PFKM: variants seen among roughly 807,000 people sequenced by gnomAD.
The protein encoded by PFKM is phosphofructokinase, muscle.
PFKM carries 58 observed loss-of-function variants against 95.5 expected under a neutral mutation model. The observed-to-expected ratio is 0.61, with a 90% confidence interval of 0.49 to 0.76. The LOEUF is 0.76. PFKM is among the 30% of genes least tolerant of loss of function. The pLI, the probability that PFKM is intolerant of heterozygous loss-of-function variation, is 0.00. For synonymous variants in PFKM, 336 were observed against 357.2 expected, an observed-to-expected ratio of 0.94 and a Z score of 0.67; for missense variants, 678 against 1,005.4, an observed-to-expected ratio of 0.67 and a Z score of 4.40.
intron 12 of PFKM, 117 bp from the exon 13 acceptor site, chr12:48,139,732 C>T: frequency 1.3e-6 from 1 of 760,756 alleles, no homozygotes; most frequent in African/African-American, 1.7e-5. Context: ...GTTCTGTCCT[C>T]AGAGGTTTGC....
intron 9 of PFKM, 23 bp from the exon 10 acceptor site, chr12:48,135,258 ACCCTCTCTCT>A: frequency 6.5e-7 from 1 of 1,550,156 alleles, no homozygotes; most frequent in Non-Finnish European, 8.9e-7. Context: ...ACTCTGCGTA[ACCCTCTCTCT>A]GTCCCTCTGT....
chr12:48,136,787 T>C (rs1003788732), intron 10 of PFKM, among the ~76,000 whole-genome samples: 4 of 150,330 alleles, frequency 2.7e-5, no homozygotes, highest in African/African-American at 9.8e-5. Context: ...GGAGTCTCTC[T>C]CTGTTGCCCA....
chr12:48,143,653 A>T lies in PFKM; in HGVS notation c.1819-100A>T, dbSNP rs570149903. 4.1e-5 allele frequency: 36 copies of T among 869,130 alleles called. No homozygotes were observed. The East Asian group carries it at 8.7e-4, about 21-fold the overall frequency. 53.8% of individuals were successfully genotyped at this position (869,130 alleles called of 1,614,324 possible). On this transcript the variant is annotated intron_variant, in intron 18 of 22. Transcript: ENST00000359794. ...CCAGGATTGTAAACAACTCTCTTCC[A>T]TGTGTCTCTTCCTTCCTGGAGAGGT...
chr12:48,132,579 A>G (rs1280382526), intron 4 of PFKM, among the ~76,000 whole-genome samples: 1 of 152,248 alleles, frequency 6.6e-6, no homozygotes, highest in Non-Finnish European at 1.5e-5. Flanking sequence ...GCCAACATAC[A>G]TGTATGTATT....
At chr12:48,110,592 C>T (rs895273552) in intron 3 of PFKM, among the ~76,000 whole-genome samples, 3 of 152,146 alleles carry the variant, frequency 2.0e-5, no homozygotes, top group Non-Finnish European at 4.4e-5. Flanking sequence ...ACATAAAAAA[C>T]CCCTGGCCTG....
chr12:48,137,390 T>A (rs1392231432), intron 10 of PFKM: 4 of 384,636 alleles, frequency 1.0e-5, no homozygotes, highest in Non-Finnish European at 2.0e-5. Context: ...TTATCCTATC[T>A]TCACTGGAAG....
chr12:48,143,220 A>G (rs1176353919), intron 18 of PFKM, among the ~76,000 whole-genome samples: 1 of 152,240 alleles, frequency 6.6e-6, no homozygotes, highest in Non-Finnish European at 1.5e-5. Flanking sequence ...TAGACATGCA[A>G]AGAAGATACT....
chr12:48,124,219 G>A (rs1351422495), intron 2 of PFKM, among the ~76,000 whole-genome samples: 1 of 152,204 alleles, frequency 6.6e-6, no homozygotes, highest in African/African-American at 2.4e-5. Context: ...TGAGGAAGGA[G>A]GGTACGGAGG....
At chr12:48,116,330 T>G (rs1346925323), upstream of PFKM, among the ~76,000 whole-genome samples, 1 of 150,884 alleles carries the variant, frequency 6.6e-6, no homozygotes, top group Non-Finnish European at 1.5e-5. Context: ...ATAGCCATCC[T>G]AATGGATATG....
At chr12:48,140,679 G>A (rs753894279) in intron 13 of PFKM, 43 bp from the exon 14 acceptor site, 3 of 1,609,994 alleles carry the variant, frequency 1.9e-6, no homozygotes, top group South Asian at 2.2e-5. Flanking sequence ...CTGTTCCCCT[G>A]CTGGGTTTCT....
chr12:48,130,353 C>T lies in PFKM; in HGVS notation c.86-10C>T. Reference sequence around the variant, plus strand: ...AACCTCTCCGTGACTTCTTTTGTCCCTCCTTTCAGGTATGAATGCTGCTGT... The same window carrying T: ...AACCTCTCCGTGACTTCTTTTGTCCTTCCTTTCAGGTATGAATGCTGCTGT... On this transcript the variant is annotated splice_polypyrimidine_tract_variant and intron_variant, in intron 2 of 22. Coordinates refer to ENST00000359794, the MANE Select transcript of PFKM (RefSeq NM_000289.6). The T allele has an allele frequency of 1.2e-6, 2 of 1,611,020 alleles. No homozygotes were observed. The highest frequency in any genetic ancestry group is 1.1e-5 in the South Asian group (1 of 91,024).
chr12:48,139,187 C>A, intron 11 of PFKM, 98 bp from the exon 12 acceptor site: 1 of 924,046 alleles, frequency 1.1e-6, no homozygotes, highest in Non-Finnish European at 1.8e-6. Context: ...GATCTAGTCA[C>A]AATCCCAGAG....
At chr12:48,107,407 A>G (rs751954374) in exon 2 of PFKM, 14 of 1,598,734 alleles carry the variant, frequency 8.8e-6, no homozygotes, top group Middle Eastern at 1.6e-4. Context: ...GAAATTTTTC[A>G]TGTGTGTGAT....
chr12:48,134,181 G>C, intron 6 of PFKM, 51 bp from the exon 7 acceptor site: 1 of 1,519,672 alleles, frequency 6.6e-7, no homozygotes, highest in Non-Finnish European at 9.1e-7. Context: ...GTGGTGGCTT[G>C]ATCTTGGCCA....
intron 10 of PFKM, among the ~76,000 whole-genome samples, chr12:48,135,925 C>T (rs79751478): frequency 3.9e-5 from 3 of 76,276 alleles, no homozygotes; most frequent in East Asian, 3.4e-4. Flanking sequence ...CCATTGCACT[C>T]GCTCCCAGGC....
Position 48,137,710 on chromosome 12 carries a change from G to C in PFKM, c.937-11G>C, listed in dbSNP as rs764579785. On this transcript the variant is annotated splice_polypyrimidine_tract_variant and intron_variant, in intron 10 of 22. Coordinates refer to ENST00000359794, the MANE Select transcript of PFKM (RefSeq NM_000289.6). The stretch of plus-strand genomic sequence containing the variant: ...TGAGCCAGACTGTCTTTGTTCTCTG[G>C]GCTCCTGCAGGGCAGCAGGATGGGT... 6.2e-7 allele frequency: 1 copy of C among 1,614,080 alleles called. No homozygotes were observed. The highest frequency in any genetic ancestry group is 8.5e-7 in the Non-Finnish European group (1 of 1,179,992).
intron 10 of PFKM, 71 bp from the exon 11 acceptor site, chr12:48,137,650 C>T (rs1033131238): frequency 1.3e-6 from 2 of 1,595,246 alleles, no homozygotes; most frequent in Admixed American, 3.3e-5. Flanking sequence ...GCTCGAGTAT[C>T]CTGACTCTCT....
Position 48,145,583 on chromosome 12 carries a change from C to T in PFKM, c.2218C>T (p.Gln740Ter). ...TDFEHRIPKE[Q>*]WWLKLRPILK... ...CTGTAGGCATCGAATCCCCAAGGAA[C>T]AGTGGTGGCTGAAACTGAGGCCCAT... Residue 740 changes from glutamine (Q) to a stop codon, truncating the protein, a stop_gained, in exon 23 of 23, where the codon CAG (glutamine) becomes TAG (stop). Coordinates refer to ENST00000359794, the MANE Select transcript of PFKM (RefSeq NM_000289.6). LOFTEE classifies it high-confidence loss of function. This position sits in a 1 kb window ranked among gnomAD's most constrained non-coding sequence, Gnocchi z 4.3. 1 of 1,614,048 alleles carries T rather than the reference C, an allele frequency of 6.2e-7. No homozygotes were observed. The highest frequency in any genetic ancestry group is 8.5e-7 in the Non-Finnish European group (1 of 1,179,998).
upstream of PFKM, among the ~76,000 whole-genome samples, chr12:48,118,149 A>G (rs928344091): frequency 1.2e-4 from 19 of 152,172 alleles, no homozygotes; most frequent in African/African-American, 4.3e-4. Context: ...CATATAATGA[A>G]GTGTGTCTGG....
Sources: gnomAD v4.1 joint callset for allele counts (sites outside exome capture counted in the v4.1 genomes callset) on GRCh38, gnomAD v4.1.1 for gene constraint, Gnocchi (gnomAD v3.1) non-coding constraint, MANE v1.5 for transcripts, NCBI Gene and HGNC (gene_info 2026-07-23, HGNC 2026-07-21) for gene names.